Variants in FSTL5 observed in about 807,000 individuals in gnomAD.
The protein encoded by FSTL5 is follistatin-related protein 5.
In FSTL5, 62 loss-of-function variants were observed where a neutral mutation model predicts 89.1. The observed-to-expected ratio is 0.70, with a 90% CI of 0.57 to 0.86. The LOEUF (loss-of-function observed/expected upper bound fraction) is 0.86. Among genes scored for constraint, FSTL5 ranks in the 40% least tolerant of loss-of-function variants. The pLI is 0.00. For missense variants in FSTL5, 1,057 were observed against 1,001.6 expected (o/e 1.06, Z -0.75); for synonymous variants, 383 against 346.2 (o/e 1.11, Z -1.18).
At chr4:161,539,879 T>C (rs565903866) in intron 9 of FSTL5, among the ~76,000 whole-genome samples, 6 of 147,292 alleles carry the variant, frequency 4.1e-5, no homozygotes, top group African/African-American at 1.5e-4. Flanking sequence ...TTATATAAGA[T>C]ACGGCCTCCT....
At chr4:161,404,730 C>G (rs1379742593) in intron 15 of FSTL5, among the ~76,000 whole-genome samples, 1 of 149,620 alleles carries the variant, frequency 6.7e-6, no homozygotes, top group Non-Finnish European at 1.5e-5. Context: ...ACAATGATAA[C>G]TCATAGAATT....
intron 4 of FSTL5, among the ~76,000 whole-genome samples, chr4:161,797,105 C>A (rs1381452450): frequency 6.6e-6 from 1 of 151,530 alleles, no homozygotes; most frequent in Admixed American, 6.6e-5. Flanking sequence ...AATAATATTT[C>A]TTTTCTGTTT....
intron 3 of FSTL5, among the ~76,000 whole-genome samples, chr4:161,949,512 T>G (rs1734832167): frequency 6.6e-6 from 1 of 152,094 alleles, no homozygotes. Context: ...TTTACTGCAT[T>G]TTACCAGATT....
chr4:161,548,851 G>A (rs1037193303), intron 8 of FSTL5, among the ~76,000 whole-genome samples: 1 of 151,856 alleles, frequency 6.6e-6, no homozygotes, highest in African/African-American at 2.4e-5. Context: ...TTTGAGGTTA[G>A]ATGAGAATTT....
intron 6 of FSTL5, among the ~76,000 whole-genome samples, chr4:161,750,903 G>A (rs1011355387): frequency 6.6e-6 from 1 of 152,032 alleles, no homozygotes; most frequent in Non-Finnish European, 1.5e-5. Flanking sequence ...TCATTTTATT[G>A]CACTGCAATT....
intron 6 of FSTL5, among the ~76,000 whole-genome samples, chr4:161,749,594 A>C (rs1740323964): frequency 6.6e-6 from 1 of 151,738 alleles, no homozygotes. Flanking sequence ...TCAGGAGATC[A>C]AGACCATCCT....
At chr4:161,852,132 C>T (rs1015410189) in intron 4 of FSTL5, among the ~76,000 whole-genome samples, 6 of 151,800 alleles carry the variant, frequency 4.0e-5, no homozygotes, top group African/African-American at 1.5e-4. Flanking sequence ...GACCCTCACC[C>T]TTTCAAAGTA....
At chr4:161,635,827 C>A (rs930915543) in intron 7 of FSTL5, among the ~76,000 whole-genome samples, 3 of 152,214 alleles carry the variant, frequency 2.0e-5, no homozygotes, top group East Asian at 1.9e-4. Context: ...AATTTGAGAA[C>A]ATTTACTAGA....
At chr4:161,386,599 T>C (rs1374743497) in intron 15 of FSTL5, 150 bp from the exon 16 acceptor site, 1 of 596,992 alleles carries the variant, frequency 1.7e-6, no homozygotes. Context: ...AATTAATCTG[T>C]AGATTGTGCC....
At chr4:161,834,033 C>T (rs921956151) in intron 4 of FSTL5, among the ~76,000 whole-genome samples, 7 of 152,226 alleles carry the variant, frequency 4.6e-5, no homozygotes, top group East Asian at 1.9e-4. Context: ...CCTTGATGAA[C>T]ATTGATGCAA....
chr4:161,851,082 C>T (rs920182841), intron 4 of FSTL5, among the ~76,000 whole-genome samples: 3 of 152,088 alleles, frequency 2.0e-5, no homozygotes, highest in Non-Finnish European at 4.4e-5. Context: ...TAAGTTTCCC[C>T]ATATCTCTAA....
At chr4:161,718,826 C>G (rs923641867) in intron 6 of FSTL5, among the ~76,000 whole-genome samples, 4 of 152,166 alleles carry the variant, frequency 2.6e-5, no homozygotes, top group African/African-American at 9.7e-5. Context: ...AATGCATTAA[C>G]ACCACAGCAA....
At position 161,784,895 on chromosome 4, in the gene FSTL5, A is replaced by AAAAAAAAAAAAAAACAAAAAC. The variant is rs1553965825; in HGVS notation, c.410-8822_410-8821insGTTTTTGTTTTTTTTTTTTTT. On this transcript the variant is annotated intron_variant, in intron 4 of 15. Transcript: ENST00000306100. ...GCGACAGAGCAAGACTCCGTCTCAA[A>AAAAAAAAAAAAAAACAAAAAC]AAAAACAAAAACAAACAAACAAAAA... Among the ~76,000 whole-genome samples, 30 of 142,008 alleles carry AAAAAAAAAAAAAAACAAAAAC rather than the reference A, an allele frequency of 2.1e-4. 1 individual carries two copies. The highest frequency in any genetic ancestry group is 7.4e-4 in the African/African-American group (28 of 37,736). The allele number at this position is 142,008 out of a possible 152,430, so 93.2% of individuals were successfully genotyped here.
At chr4:161,543,446 T>G (rs1444771236) in intron 8 of FSTL5, among the ~76,000 whole-genome samples, 4 of 151,910 alleles carry the variant, frequency 2.6e-5, no homozygotes, top group African/African-American at 9.7e-5. Context: ...AAGTTCTAAC[T>G]GCATTTTTTT....
intron 2 of FSTL5, among the ~76,000 whole-genome samples, chr4:162,099,528 TACA>T (rs1730902942): frequency 1.3e-5 from 2 of 152,128 alleles, no homozygotes; most frequent in South Asian, 4.1e-4. Flanking sequence ...ACCTTTTTAA[TACA>T]ACAACAAAGG....
chr4:161,806,600 T>A (rs556007256), intron 4 of FSTL5, among the ~76,000 whole-genome samples: 14 of 152,276 alleles, frequency 9.2e-5, no homozygotes, highest in Admixed American at 8.5e-4. Flanking sequence ...TAAAGCTAAA[T>A]TCAAGTTAGC....
At chr4:162,138,412 G>T (rs12505870) in intron 1 of FSTL5, among the ~76,000 whole-genome samples, 35,318 of 151,922 alleles carry the variant, frequency 0.23, 4,302 homozygotes, top group Non-Finnish European at 0.26. Flanking sequence ...CAGATACTAT[G>T]CATTTAATAA....
chr4:161,876,484 TCA>T (rs1228951744), intron 4 of FSTL5, among the ~76,000 whole-genome samples: 1 of 152,228 alleles, frequency 6.6e-6, no homozygotes, highest in African/African-American at 2.4e-5. Flanking sequence ...AAATAACGCC[TCA>T]CAAAAAGTTA....
intron 4 of FSTL5, among the ~76,000 whole-genome samples, chr4:161,890,041 C>G (rs1277089923): frequency 6.6e-6 from 1 of 152,182 alleles, no homozygotes; most frequent in African/African-American, 2.4e-5. Context: ...TTCCATCTGT[C>G]TGATATGGTT....
Sources: gnomAD v4.1 joint callset for allele counts (sites outside exome capture counted in the v4.1 genomes callset) on GRCh38, gnomAD v4.1.1 for gene constraint, MANE v1.5 for transcripts, NCBI Gene and HGNC (gene_info 2026-07-23, HGNC 2026-07-21) for gene names.